CELF2: variants seen among roughly 807,000 people sequenced by gnomAD.
CELF2 encodes CUGBP Elav-like family member 2, also known as CUG triplet repeat RNA-binding protein 2.
CELF2 carries 8 observed loss-of-function variants against 62.6 expected under a neutral mutation model. That is an observed-to-expected ratio of 0.13 (90% CI 0.07 to 0.23). CELF2 has a LOEUF of 0.23. Among genes scored for constraint, CELF2 ranks in the 10% least tolerant of loss-of-function variants. CELF2 has a pLI of 1.00. For missense variants in CELF2, 333 were observed against 671.0 expected (o/e 0.50, Z 5.56); for synonymous variants, 258 against 250.0 (o/e 1.03, Z -0.30).
rs922460916 is a variant in CELF2 at position 11,165,652 on chromosome 10, G to C, written c.241G>C (p.Asp81His). Residue 81 changes from aspartate (D) to histidine (H), a missense_variant, in exon 2 of 13, where the codon GAC becomes CAC. Coordinates refer to ENST00000633077, the MANE Select transcript of CELF2 (RefSeq NM_001326342.2). The surrounding 1 kb of genome is among the most constrained non-coding windows in gnomAD (Gnocchi z 7.4). Reference protein sequence around the residue: ...GAVYQINVLRDRSQNPPQSKG... With the variant: ...GAVYQINVLRHRSQNPPQSKG... ...CGTCTACCAGATCAACGTCCTCCGG[G>C]ACCGGAGTCAGAACCCTCCGCAGAG... The C allele has an allele frequency of 4.3e-6, 7 of 1,613,898 alleles. No individual in the cohort carries two copies. Among genetic ancestry groups the C allele is most frequent in the African/African-American group, 1.3e-5 (1 of 74,908 alleles).
At chr10:10,903,110 A>G (rs1464845708) in intron 1 of CELF2, among the ~76,000 whole-genome samples, 1 of 152,334 alleles carries the variant, frequency 6.6e-6, no homozygotes, top group African/African-American at 2.4e-5. Context: ...GGAGCTCCTC[A>G]GTACCATTTC....
At chr10:11,143,849 C>T (rs1471839158) in intron 1 of CELF2, among the ~76,000 whole-genome samples, 1 of 152,184 alleles carries the variant, frequency 6.6e-6, no homozygotes, top group East Asian at 1.9e-4. Context: ...TTATACCTGA[C>T]TTAAATTGTT....
chr10:10,888,019 C>G (rs1039564570), intron 1 of CELF2, among the ~76,000 whole-genome samples: 1 of 152,150 alleles, frequency 6.6e-6, no homozygotes, highest in Non-Finnish European at 1.5e-5. Flanking sequence ...GTGATCTGGC[C>G]GCCTTGGCCT....
chr10:11,272,965 G>A (rs2084403771), intron 7 of CELF2, among the ~76,000 whole-genome samples: 1 of 152,142 alleles, frequency 6.6e-6, no homozygotes, highest in Non-Finnish European at 1.5e-5. Context: ...AAGCGCAAGA[G>A]AATGAGAAAC....
intron 1 of CELF2, among the ~76,000 whole-genome samples, chr10:11,074,008 C>T (rs2071030552): frequency 6.6e-6 from 1 of 152,130 alleles, no homozygotes; most frequent in African/African-American, 2.4e-5. Flanking sequence ...TTCTAGCCTC[C>T]GTGCCACAGC....
At chr10:10,820,234 G>A (rs1289057286) in intron 1 of CELF2, among the ~76,000 whole-genome samples, 12 of 152,212 alleles carry the variant, frequency 7.9e-5, no homozygotes, top group Admixed American at 3.3e-4. Context: ...TTTCGGGTAC[G>A]TCTTTATCAG....
Position 11,246,288 on chromosome 10 carries a change from C to G in CELF2, c.355-2865C>G, listed in dbSNP as rs543257648. Among the ~76,000 whole-genome samples, 1 of 152,200 alleles carries G rather than the reference C, an allele frequency of 6.6e-6. No homozygotes were observed. Among genetic ancestry groups the G allele is most frequent in the South Asian group, 2.1e-4 (1 of 4,828 alleles). On this transcript the variant is annotated intron_variant, in intron 3 of 12. Transcript: ENST00000633077. The surrounding 1 kb of genome is among the most constrained non-coding windows in gnomAD (Gnocchi z 4.6). Reference sequence around the variant, plus strand: ...TAATGTAGGTGCGCTCACCTCATCTCTCCCATATCTTGAACCTGTGAATCT... The same window carrying G: ...TAATGTAGGTGCGCTCACCTCATCTGTCCCATATCTTGAACCTGTGAATCT...
At chr10:11,266,023 A>G (rs2082111675) in intron 5 of CELF2, among the ~76,000 whole-genome samples, 1 of 152,200 alleles carries the variant, frequency 6.6e-6, no homozygotes, top group South Asian at 2.1e-4. Context: ...GTATATTTGT[A>G]TTTGCATAGC....
chr10:10,636,223 T>A, the CELF2 span, among the ~76,000 whole-genome samples: 2 of 152,210 alleles, frequency 1.3e-5, no homozygotes, highest in Non-Finnish European at 2.9e-5. Flanking sequence ...AATATGTAAT[T>A]GCTACTTCCT....
chr10:10,777,056 C>G, the CELF2 span, among the ~76,000 whole-genome samples: 3 of 152,204 alleles, frequency 2.0e-5, no homozygotes, highest in Non-Finnish European at 4.4e-5. Context: ...CGCTACCCGC[C>G]TCCCGATTGT....
rs920703062 is a variant in CELF2, at chr10:11,207,388, G to T, written c.272-10037G>T. Among the ~76,000 whole-genome samples, 1 of 152,236 alleles carries T rather than the reference G, an allele frequency of 6.6e-6. No homozygotes were observed. Among genetic ancestry groups the T allele is most frequent in the African/African-American group, 2.4e-5 (1 of 41,462 alleles). ...GGAGGCTGCCAGGGGCCTGGATCTT[G>T]TGGCCAGTTGACAGAAAGTTGGTCC... On this transcript the variant is annotated intron_variant, in intron 2 of 12. Transcript: ENST00000633077. This position sits in a 1 kb window ranked among gnomAD's most constrained non-coding sequence, Gnocchi z 4.1.
intron 1 of CELF2, among the ~76,000 whole-genome samples, chr10:10,859,000 GA>G (rs1591275230): frequency 6.6e-6 from 1 of 152,284 alleles, no homozygotes. Context: ...ACAACTAGCA[GA>G]TGATAATAAG....
intron 1 of CELF2, among the ~76,000 whole-genome samples, chr10:10,876,114 G>T (rs2061072441): frequency 6.6e-6 from 1 of 152,180 alleles, no homozygotes; most frequent in South Asian, 2.1e-4. Flanking sequence ...GGGCAGAGGG[G>T]AGGTTTAGAA....
At chr10:10,935,622 T>G (rs2066544108) in intron 2 of CELF2, among the ~76,000 whole-genome samples, 1 of 152,206 alleles carries the variant, frequency 6.6e-6, no homozygotes, top group Admixed American at 6.5e-5. Flanking sequence ...AACAAAGATA[T>G]GTTCCCATTT....
chr10:11,226,491 C>A, intron 3 of CELF2, among the ~76,000 whole-genome samples: 1 of 152,208 alleles, frequency 6.6e-6, no homozygotes, highest in East Asian at 1.9e-4. Context: ...TGCAGCTCGT[C>A]ATAGATGTGG....
intron 1 of CELF2, among the ~76,000 whole-genome samples, chr10:10,839,012 G>T (rs1310288941): frequency 1.3e-5 from 2 of 152,088 alleles, no homozygotes; most frequent in Non-Finnish European, 2.9e-5. Flanking sequence ...CAGACGTGGT[G>T]GCACACACCT....
the CELF2 span, among the ~76,000 whole-genome samples, chr10:10,768,459 G>A: frequency 6.6e-6 from 1 of 152,082 alleles, no homozygotes; most frequent in Non-Finnish European, 1.5e-5. Context: ...GTATCCCAAG[G>A]CCCTGGAAAG....
At chr10:10,675,995 C>T in the CELF2 span, among the ~76,000 whole-genome samples, 1 of 152,092 alleles carries the variant, frequency 6.6e-6, no homozygotes, top group Admixed American at 6.5e-5. Context: ...GTGCTTTTGC[C>T]TTTTAGTATG....
the CELF2 span, among the ~76,000 whole-genome samples, chr10:10,465,356 T>C: frequency 6.6e-6 from 1 of 152,136 alleles, no homozygotes; most frequent in Non-Finnish European, 1.5e-5. Flanking sequence ...ATTTGATTAA[T>C]TAGTCTATGA....
Sources: gnomAD v4.1 joint callset for allele counts (sites outside exome capture counted in the v4.1 genomes callset) on GRCh38, gnomAD v4.1.1 for gene constraint, Gnocchi (gnomAD v3.1) non-coding constraint, MANE v1.5 for transcripts, NCBI Gene and HGNC (gene_info 2026-07-23, HGNC 2026-07-21) for gene names.